The following FSIP2 variants were observed in gnomAD, a reference collection of about 807,000 sequenced individuals.
FSIP2 encodes the protein fibrous sheath-interacting protein 2.
A neutral mutation model predicts 510.5 loss-of-function variants in FSIP2; 367 were observed. The ratio of observed to expected loss-of-function variants is 0.72; its 90% CI spans 0.66 to 0.78. The LOEUF is 0.78. Among genes scored for constraint, FSIP2 ranks in the 30% least tolerant of loss-of-function variants. The pLI is 0.00. For missense variants in FSIP2, 7,594 were observed against 7,901.7 expected (o/e 0.96, Z 1.48); for synonymous variants, 2,601 against 2,732.2 (o/e 0.95, Z 1.50).
Position 185,753,813 on chromosome 2 carries a change from T to A in FSIP2, c.962T>A (p.Phe321Tyr). ...GGAGAAGATATAGGAAAAAATACAT[T>A]TAAATACAGAGGTCAAGATGGAACA... ...FNGEDIGKNT[F>Y]KYRGQDGTHA... The change falls in exon 8 of 23, where the codon TTT (phenylalanine) becomes TAT (tyrosine). Residue 321 changes from phenylalanine to tyrosine, a missense_variant. Phe to Tyr is a conservative substitution (Grantham distance 22). Coordinates refer to ENST00000424728, the MANE Select transcript of FSIP2 (RefSeq NM_173651.4). 2 of 1,491,284 alleles carry A rather than the reference T, an allele frequency of 1.3e-6. No homozygotes were observed. Among genetic ancestry groups the A allele is most frequent in the Non-Finnish European group, 8.9e-7 (1 of 1,123,234 alleles). 92.4% of individuals were successfully genotyped at this position (1,491,284 alleles called of 1,614,324 possible). A position where few individuals can be genotyped will look rare whatever the true frequency, so the allele number is the denominator to read the frequency against.
chr2:185,802,121 G>C lies in FSIP2; in HGVS notation c.12815G>C (p.Arg4272Thr), dbSNP rs1693453734. Reference protein sequence around the residue: ...FLSGEVLCHPRTPLDPVSTIV... With the variant: ...FLSGEVLCHPTTPLDPVSTIV... ...AGTGGAGAGGTTTTATGTCATCCAA[G>C]GACTCCACTGGATCCAGTGTCTACT... The change falls in exon 17 of 23, where the codon AGG (arginine) becomes ACG (threonine). Residue 4272 changes from arginine (R) to threonine (T), a missense_variant. Physicochemically the swap from Arg to Thr is moderately conservative, Grantham distance 71. Coordinates refer to ENST00000424728, the MANE Select transcript of FSIP2 (RefSeq NM_173651.4). 2.0e-6 allele frequency: 3 copies of C among 1,532,946 alleles called. No homozygotes were observed. Among genetic ancestry groups the C allele is most frequent in the Non-Finnish European group, 2.6e-6 (3 of 1,144,708 alleles). The allele number at this position is 1,532,946 out of a possible 1,614,324, so 95.0% of individuals were successfully genotyped here. A position where few individuals can be genotyped will look rare whatever the true frequency, so the allele number is the denominator to read the frequency against.
rs1417989690 is a variant in FSIP2, at chr2:185,801,740, A to G, written c.12434A>G (p.Asp4145Gly). The G allele has an allele frequency of 6.5e-7, 1 of 1,529,948 alleles. No individual in the cohort carries two copies. Among genetic ancestry groups the G allele is most frequent in the Non-Finnish European group, 8.7e-7 (1 of 1,143,744 alleles). The allele number at this position is 1,529,948 out of a possible 1,614,324, so 94.8% of individuals were successfully genotyped here. A position where few individuals can be genotyped will look rare whatever the true frequency, so the allele number is the denominator to read the frequency against. ...STMLSHSFLEDVIRRLLSQLI... is the reference protein window; with the variant it reads ...STMLSHSFLEGVIRRLLSQLI... ...ATGTTATCACATTCATTTTTAGAAGATGTCATAAGAAGGCTTTTATCTCAG... is the reference window on the plus strand; with the variant it reads ...ATGTTATCACATTCATTTTTAGAAGGTGTCATAAGAAGGCTTTTATCTCAG... Residue 4145 changes from aspartate to glycine, a missense_variant, in exon 17 of 23, where the codon GAT becomes GGT. By Grantham distance (94) the Asp-to-Gly change is moderately conservative (BLOSUM62 -1). Transcript: ENST00000424728.
Position 185,796,854 on chromosome 2 carries a change from A to G in FSIP2, c.9718A>G (p.Lys3240Glu). ...ETMPSCSTRN[K>E]VQDHRPRESN... Reference sequence around the variant, plus strand: ...TATGCCATCGTGTTCTACTAGAAACAAAGTACAAGACCACAGACCAAGGGA... The same window carrying G: ...TATGCCATCGTGTTCTACTAGAAACGAAGTACAAGACCACAGACCAAGGGA... Residue 3240 changes from lysine to glutamate, a missense_variant, in exon 16 of 23, where the codon AAA becomes GAA. Transcript: ENST00000424728. 2 of 1,535,202 alleles carry G rather than the reference A, an allele frequency of 1.3e-6. No individual in the cohort carries two copies. Among genetic ancestry groups the G allele is most frequent in the Non-Finnish European group, 1.7e-6 (2 of 1,146,324 alleles).
In FSIP2 at chr2:185,802,806, G is replaced by A; in HGVS notation, c.13500G>A (p.Val4500=). 6.6e-7 allele frequency: 1 copy of A among 1,520,696 alleles called. No homozygotes were observed. Among genetic ancestry groups the A allele is most frequent in the Non-Finnish European group, 8.8e-7 (1 of 1,141,094 alleles). The allele number at this position is 1,520,696 out of a possible 1,614,324, so 94.2% of individuals were successfully genotyped here. A position where few individuals can be genotyped will look rare whatever the true frequency, so the allele number is the denominator to read the frequency against. The change falls in exon 17 of 23, where the codon GTG becomes GTA. Residue 4500 remains valine, a synonymous_variant. Coordinates refer to ENST00000424728, the MANE Select transcript of FSIP2 (RefSeq NM_173651.4). ...ACACCCAAAAAGATATATCAAGAGT[G>A]AATTTCAATGACATTGCTTCAAACC... ...NRDTQKDISR[V]NFNDIASNLV...
chr2:185,794,174 T>C lies in FSIP2; in HGVS notation c.7038T>C (p.Ala2346=). The C allele has an allele frequency of 3.9e-6, 6 of 1,534,448 alleles. No homozygotes were observed. Among genetic ancestry groups the C allele is most frequent in the Non-Finnish European group, 5.2e-6 (6 of 1,145,800 alleles). The change falls in exon 16 of 23, where the codon GCT becomes GCC. Residue 2346 remains alanine, a synonymous_variant. Transcript: ENST00000424728. Reference sequence around the variant, plus strand: ...GATCCACAATTCACCTATCGCAAGCTAGGCTTAAGACATATGCTGACGTCA... The same window carrying C: ...GATCCACAATTCACCTATCGCAAGCCAGGCTTAAGACATATGCTGACGTCA... ...KLGSTIHLSQ[A]RLKTYADVIA...
chr2:185,809,024 C>G lies in FSIP2; in HGVS notation c.19718C>G (p.Ser6573Ter). 3.7e-6 allele frequency: 6 copies of G among 1,612,556 alleles called. No individual in the cohort carries two copies. The highest frequency in any genetic ancestry group is 5.1e-6 in the Non-Finnish European group (6 of 1,179,390). Residue 6573 changes from serine (S) to a stop codon, truncating the protein, a stop_gained, in exon 17 of 23, where the codon TCA (serine) becomes TGA (stop). Transcript: ENST00000424728. LOFTEE classifies it high-confidence loss of function. ...AGCATAGCAGAACTGAGAAGAGCAT[C>G]AATAAGTGGGAGAAATTACTCCTTA... ...GHSIAELRRASISGRNYSLGS... is the reference protein window; with the variant it reads ...GHSIAELRRA
intron 21 of FSIP2, among the ~76,000 whole-genome samples, chr2:185,830,704 A>C (rs1433011100): frequency 3.3e-5 from 5 of 151,848 alleles, no homozygotes; most frequent in African/African-American, 1.2e-4. Flanking sequence ...ATTATTTTTC[A>C]TATATTTTTG....
At chr2:185,771,152 G>A (rs949324827) in intron 13 of FSIP2, among the ~76,000 whole-genome samples, 2 of 152,230 alleles carry the variant, frequency 1.3e-5, no homozygotes, top group South Asian at 2.1e-4. Flanking sequence ...TCTAATGCCT[G>A]CTGCTTTCCC....
chr2:185,819,399 G>A (rs1693876007), intron 19 of FSIP2, among the ~76,000 whole-genome samples: 1 of 151,816 alleles, frequency 6.6e-6, no homozygotes, highest in African/African-American at 2.4e-5. Context: ...GAGATAGAAT[G>A]ACAAAATGGA....
Position 185,807,422 on chromosome 2 carries a change from A to C in FSIP2, c.18116A>C (p.Asn6039Thr), listed in dbSNP as rs778180474. 6 of 1,610,626 alleles carry C rather than the reference A, an allele frequency of 3.7e-6. No individual in the cohort carries two copies. The South Asian group carries it at 5.5e-5, about 15-fold the overall frequency. Residue 6039 changes from asparagine to threonine, a missense_variant, in exon 17 of 23, where the codon AAT becomes ACT. Coordinates refer to ENST00000424728, the MANE Select transcript of FSIP2 (RefSeq NM_173651.4). ...SSTKTKEPED[N>T]LSTELNFLQM... ...ACAAAAACAAAAGAACCTGAGGACA[A>C]TTTGTCCACAGAACTGAATTTCCTT...
chr2:185,819,745 T>C (rs1693881790), intron 19 of FSIP2, among the ~76,000 whole-genome samples: 1 of 151,928 alleles, frequency 6.6e-6, no homozygotes, highest in African/African-American at 2.4e-5. Flanking sequence ...TTTGCCAAAC[T>C]GTAGGCTAGT....
At position 185,807,682 on chromosome 2, in the gene FSIP2, G is replaced by A; in HGVS notation, c.18376G>A (p.Ala6126Thr). Residue 6126 changes from alanine (A) to threonine (T), a missense_variant, in exon 17 of 23, where the codon GCT becomes ACT. Physicochemically the swap from Ala to Thr is moderately conservative, Grantham distance 58 (BLOSUM62 0). Coordinates refer to ENST00000424728, the MANE Select transcript of FSIP2 (RefSeq NM_173651.4). ...AGTTGACTTGGTTCTACGAGAAGTG[G>A]CTAGCAATCAGCTGCAGAGCTATTT... ...NIVDLVLREV[A>T]SNQLQSYFCG... 6.2e-7 allele frequency: 1 copy of A among 1,612,844 alleles called. No homozygotes were observed. Among genetic ancestry groups the A allele is most frequent in the Middle Eastern group, 1.7e-4 (1 of 6,054 alleles).
intron 10 of FSIP2, among the ~76,000 whole-genome samples, 191 bp from the exon 11 acceptor site, chr2:185,761,781 G>C (rs1469604735): frequency 1.3e-5 from 2 of 151,222 alleles, no homozygotes; most frequent in Non-Finnish European, 3.0e-5. Context: ...TTTTGGACTA[G>C]TTAAACTTGA....
At chr2:185,782,636 G>T (rs1692876743) in intron 13 of FSIP2, 69 bp from the exon 14 acceptor site, 2 of 881,610 alleles carry the variant, frequency 2.3e-6, no homozygotes, top group Non-Finnish European at 3.6e-6. Context: ...ATACCTACTG[G>T]AGGATTACCA....
At chr2:185,773,685 A>C (rs1043558053) in intron 13 of FSIP2, among the ~76,000 whole-genome samples, 1 of 151,608 alleles carries the variant, frequency 6.6e-6, no homozygotes, top group African/African-American at 2.4e-5. Flanking sequence ...TTATATCTTA[A>C]CCTCTCTCCC....
intron 19 of FSIP2, among the ~76,000 whole-genome samples, chr2:185,821,956 A>T (rs1365926012): frequency 6.6e-6 from 1 of 151,682 alleles, no homozygotes. Context: ...GATGTAATAC[A>T]TCACATTAAC....
At chr2:185,831,760 T>C in intron 21 of FSIP2, 53 bp from the exon 22 acceptor site, 1 of 1,109,434 alleles carries the variant, frequency 9.0e-7, no homozygotes, top group Non-Finnish European at 1.4e-6. Context: ...TGGGTATATC[T>C]AGTGTTTGTG....
In FSIP2 at chr2:185,809,146, G is replaced by C. The variant is rs1170956048; in HGVS notation, c.19827+13G>C. 1 of 1,527,216 alleles carries C rather than the reference G, an allele frequency of 6.5e-7. No individual in the cohort carries two copies. Among genetic ancestry groups the C allele is most frequent in the African/African-American group, 1.4e-5 (1 of 71,820 alleles). 94.6% of individuals were successfully genotyped at this position (1,527,216 alleles called of 1,614,324 possible). A position where few individuals can be genotyped will look rare whatever the true frequency, so the allele number is the denominator to read the frequency against. On this transcript the variant is annotated intron_variant, in intron 17 of 22. Transcript: ENST00000424728. Reference sequence around the variant, plus strand: ...AAAACCCCTAGAGGTAAGTGCAAAAGCAATGGCATGAAAATGAGTGAATAG... The same window carrying C: ...AAAACCCCTAGAGGTAAGTGCAAAACCAATGGCATGAAAATGAGTGAATAG...
rs939964351 is a variant in FSIP2 at position 185,803,093 on chromosome 2, A to G, written c.13787A>G (p.Lys4596Arg). The G allele has an allele frequency of 3.6e-5, 54 of 1,515,334 alleles. No homozygotes were observed. The African/African-American group carries it at 7.2e-4, about 20-fold the overall frequency. The allele number at this position is 1,515,334 out of a possible 1,614,324, so 93.9% of individuals were successfully genotyped here. A position where few individuals can be genotyped will look rare whatever the true frequency, so the allele number is the denominator to read the frequency against. ...QKHLQPFVSG[K>R]SLSSSDTYFD... ...CATCTTCAGCCATTTGTGAGTGGAA[A>G]ATCATTATCTTCATCAGACACATAT... The change falls in exon 17 of 23, where the codon AAA becomes AGA. Residue 4596 changes from lysine (K) to arginine (R), a missense_variant. Physicochemically the swap from Lys to Arg is conservative, Grantham distance 26. Coordinates refer to ENST00000424728, the MANE Select transcript of FSIP2 (RefSeq NM_173651.4).
Sources: gnomAD v4.1 joint callset for allele counts (sites outside exome capture counted in the v4.1 genomes callset) on GRCh38, gnomAD v4.1.1 for gene constraint, MANE v1.5 for transcripts, NCBI Gene and HGNC (gene_info 2026-07-23, HGNC 2026-07-21) for gene names.